FBXW2: variants seen among roughly 807,000 people sequenced by gnomAD.
FBXW2 encodes F-box/WD repeat-containing protein 2.
In FBXW2, 12 loss-of-function variants were observed where a neutral mutation model predicts 46.0. The ratio of observed to expected loss-of-function variants is 0.26; its 90% CI spans 0.17 to 0.42. FBXW2 has a LOEUF of 0.42. Ranked by LOEUF, FBXW2 falls within the 10% of genes least tolerant of loss-of-function variation. FBXW2 has a pLI of 1.00. For synonymous variants in FBXW2, 203 were observed against 209.6 expected (o/e 0.97, Z 0.27); for missense variants, 360 against 537.0 (o/e 0.67, Z 3.26).
chr9:120,781,635 TACACACACACACACAC>T (rs1161130344), intron 3 of FBXW2, among the ~76,000 whole-genome samples: 4 of 43,546 alleles, frequency 9.2e-5, no homozygotes, highest in African/African-American at 1.2e-4. Context: ...TTTATATACA[TACACACACACACACAC>T]ACACACACAC....
At chr9:120,782,426 C>T (rs2044635180) in intron 3 of FBXW2, among the ~76,000 whole-genome samples, 1 of 151,920 alleles carries the variant, frequency 6.6e-6, no homozygotes, top group Non-Finnish European at 1.5e-5. Context: ...AATTGAGCCA[C>T]TGCACTCCAG....
At chr9:120,790,343 G>A (rs1432268551) in intron 2 of FBXW2, among the ~76,000 whole-genome samples, 1 of 152,088 alleles carries the variant, frequency 6.6e-6, no homozygotes, top group African/African-American at 2.4e-5. Context: ...AATTCCCCTG[G>A]CATGGTGGTG....
chr9:120,784,285 A>G (rs916168320), intron 3 of FBXW2, among the ~76,000 whole-genome samples: 1 of 152,192 alleles, frequency 6.6e-6, no homozygotes, highest in Non-Finnish European at 1.5e-5. Context: ...ACATTTCAAA[A>G]ATAAGGTTTG....
intron 3 of FBXW2, among the ~76,000 whole-genome samples, chr9:120,783,038 C>T (rs1411492206): frequency 6.6e-6 from 1 of 151,986 alleles, no homozygotes; most frequent in Non-Finnish European, 1.5e-5. Flanking sequence ...CTTAATGGCA[C>T]TCAACTGTAT....
At chr9:120,782,667 C>A (rs1184857644) in intron 3 of FBXW2, among the ~76,000 whole-genome samples, 1 of 151,870 alleles carries the variant, frequency 6.6e-6, no homozygotes, top group Non-Finnish European at 1.5e-5. Flanking sequence ...CATGGTGAGA[C>A]CCCATCTCCA....
intron 5 of FBXW2, among the ~76,000 whole-genome samples, chr9:120,774,568 G>C (rs925904159): frequency 1.3e-5 from 2 of 152,142 alleles, no homozygotes; most frequent in African/African-American, 4.8e-5. Context: ...CTGCAAGCCA[G>C]GTGGCTTTAC....
In FBXW2 at chr9:120,772,790, G is replaced by A; in HGVS notation, c.870C>T (p.Asp290=). Residue 290 remains aspartate (D), a synonymous_variant, in exon 6 of 8, where the codon GAC becomes GAT. Coordinates refer to ENST00000608872, the MANE Select transcript of FBXW2 (RefSeq NM_012164.4). ...ATTTGTCTGCACTTAAGAGGATGTA[G>A]TCTCCAGGACTGTGCAAGAGAGACT... ...KVKSLLHSPG[D]YILLSADKYE... is the part of the protein sequence containing the mutation. 1 of 1,575,354 alleles carries A rather than the reference G, an allele frequency of 6.3e-7. No homozygotes were observed. Among genetic ancestry groups the A allele is most frequent in the Middle Eastern group, 1.7e-4 (1 of 5,902 alleles).
At chr9:120,771,082 G>C (rs920197276) in intron 7 of FBXW2, among the ~76,000 whole-genome samples, 1 of 152,212 alleles carries the variant, frequency 6.6e-6, no homozygotes, top group African/African-American at 2.4e-5. Context: ...TTCCAGAAAA[G>C]CATGTTAAAT....
chr9:120,791,772 C>T (rs535070650), intron 2 of FBXW2, among the ~76,000 whole-genome samples: 180 of 152,282 alleles, frequency 1.2e-3, no homozygotes, highest in Non-Finnish European at 1.4e-3. Flanking sequence ...ATTGGAGGCT[C>T]TAGTTTCCCA....
At chr9:120,787,191 GCTA>G (rs760882013) in intron 3 of FBXW2, among the ~76,000 whole-genome samples, 3 of 152,166 alleles carry the variant, frequency 2.0e-5, no homozygotes, top group Admixed American at 6.5e-5. Flanking sequence ...GCCACGCCCG[GCTA>G]CTTTTTCGTA....
chr9:120,776,468 A>G (rs2044498727), intron 4 of FBXW2: 1 of 440,368 alleles, frequency 2.3e-6, no homozygotes, highest in African/African-American at 2.0e-5. Context: ...TGGTAGCTAC[A>G]GTGAGAGGCA....
chr9:120,785,911 T>C (rs757908178), intron 3 of FBXW2, among the ~76,000 whole-genome samples: 5 of 148,224 alleles, frequency 3.4e-5, no homozygotes, highest in Non-Finnish European at 7.4e-5. Context: ...TAATCCCAGC[T>C]ACTCGGGAGG....
intron 5 of FBXW2, among the ~76,000 whole-genome samples, chr9:120,774,990 G>T (rs1247232156): frequency 6.6e-6 from 1 of 151,780 alleles, no homozygotes; most frequent in Non-Finnish European, 1.5e-5. Context: ...TCTTTCCACA[G>T]CTATCTCCTA....
intron 3 of FBXW2, among the ~76,000 whole-genome samples, chr9:120,779,090 C>T (rs886200376): frequency 2.0e-5 from 3 of 152,164 alleles, no homozygotes; most frequent in African/African-American, 4.8e-5. Flanking sequence ...TCTTGAAATA[C>T]GTGAAGGAAG....
rs1489025198 is a variant in FBXW2 at position 120,757,372 on chromosome 9, T to G, written c.*7187A>C. 1 of 152,200 alleles carries G rather than the reference T, an allele frequency of 6.6e-6. No homozygotes were observed. Among genetic ancestry groups the G allele is most frequent in the Non-Finnish European group, 1.5e-5 (1 of 68,036 alleles). The allele number at this position is 152,200 out of a possible 1,614,324, so 9.4% of individuals were successfully genotyped here. On this transcript the variant is annotated 3_prime_UTR_variant, in exon 8 of 8. Transcript: ENST00000608872. ...GTAACAGAAAATACTAAGAAAAAAT[T>G]CCACTGCTTTTGCGAGTAAGTCTTC...
intron 3 of FBXW2, 43 bp downstream of exon 3, chr9:120,787,726 A>G (rs2131373151): frequency 1.3e-6 from 2 of 1,561,812 alleles, no homozygotes; most frequent in Non-Finnish European, 1.7e-6. Context: ...ACACCCTATG[A>G]AATACAAAAC....
At position 120,793,413 on chromosome 9, in the gene FBXW2, G is replaced by A; in HGVS notation, c.-189C>T. On this transcript the variant is annotated 5_prime_UTR_variant, in exon 1 of 8. Coordinates refer to ENST00000608872, the MANE Select transcript of FBXW2 (RefSeq NM_012164.4). The stretch of plus-strand genomic sequence containing the variant: ...TCACAGGGGAGCGGCTTCCGGTGCT[G>A]CCTGCGTCATCTCCGCGCGTCCCTC... 1 of 398,698 alleles carries A rather than the reference G, an allele frequency of 2.5e-6. No individual in the cohort carries two copies. The highest frequency in any genetic ancestry group is 4.4e-6 in the Non-Finnish European group (1 of 226,356). The allele number at this position is 398,698 out of a possible 1,614,324, so 24.7% of individuals were successfully genotyped here. A position where few individuals can be genotyped will look rare whatever the true frequency, so the allele number is the denominator to read the frequency against.
intron 7 of FBXW2, among the ~76,000 whole-genome samples, chr9:120,767,092 T>C (rs1236504528): frequency 6.6e-6 from 1 of 152,200 alleles, no homozygotes; most frequent in Admixed American, 6.5e-5. Flanking sequence ...GAATATTTTT[T>C]CTCTTTCTTG....
At position 120,776,114 on chromosome 9, in the gene FBXW2, C is replaced by T. The variant is rs2044490206; in HGVS notation, c.798G>A (p.Gly266=). Residue 266 remains glycine, a synonymous_variant, in exon 5 of 8, where the codon GGG becomes GGA. Coordinates refer to ENST00000608872, the MANE Select transcript of FBXW2 (RefSeq NM_012164.4). ...CTACCTTGGTGACCCATTCCGTGTG[C>T]CCGGTGAGTGTGTTCAGGCATGTCC... is the stretch of plus-strand genomic sequence containing the variant. The part of the protein sequence containing the change: ...SAGTCLNTLT[G]HTEWVTKVVL... The T allele has an allele frequency of 6.2e-7, 1 of 1,613,952 alleles. No homozygotes were observed. Among genetic ancestry groups the T allele is most frequent in the East Asian group, 2.2e-5 (1 of 44,882 alleles).
Sources: allele counts gnomAD v4.1 joint callset (sites outside exome capture counted in the v4.1 genomes callset), GRCh38; gene constraint gnomAD v4.1.1; transcripts MANE v1.5; gene names NCBI Gene and HGNC (gene_info 2026-07-23, HGNC 2026-07-21).